The following MEGF9 variants were observed in gnomAD, a reference collection of about 807,000 sequenced individuals.
The protein encoded by MEGF9 is multiple epidermal growth factor-like domains protein 9.
In MEGF9, 6 loss-of-function variants were observed where a neutral mutation model predicts 46.8. That is an observed-to-expected ratio of 0.13 (90% confidence interval 0.07 to 0.25). MEGF9 has a LOEUF of 0.25. Ranked by LOEUF, MEGF9 falls within the 10% of genes least tolerant of loss-of-function variation. The probability of loss-of-function intolerance (pLI) is 1.00; values close to 1 mark genes in which losing one functional copy is unlikely to be tolerated. For missense variants in MEGF9, 683 were observed against 792.4 expected (o/e 0.86, Z 1.66); for synonymous variants, 302 against 330.7 (o/e 0.91, Z 0.94).
At chr9:120,683,116 T>C (rs938010390) in intron 1 of MEGF9, among the ~76,000 whole-genome samples, 5 of 152,068 alleles carry the variant, frequency 3.3e-5, no homozygotes, top group African/African-American at 1.2e-4. Context: ...CTGCATTTCA[T>C]CCAACATGGA....
intron 2 of MEGF9, among the ~76,000 whole-genome samples, chr9:120,630,030 T>C (rs2043543777): frequency 6.6e-6 from 1 of 152,248 alleles, no homozygotes. Context: ...TCAGTATACC[T>C]TGACCATCCG....
intron 1 of MEGF9, among the ~76,000 whole-genome samples, chr9:120,697,504 A>G (rs1040561922): frequency 6.6e-6 from 1 of 152,000 alleles, no homozygotes; most frequent in Middle Eastern, 3.2e-3. Context: ...AAGGTTTTAT[A>G]GTCAAGTCAA....
chr9:120,710,259 T>C (rs1231746313), intron 1 of MEGF9, among the ~76,000 whole-genome samples: 2 of 150,926 alleles, frequency 1.3e-5, no homozygotes, highest in African/African-American at 4.9e-5. Context: ...AGAAACACTG[T>C]CTTTACTAAA....
chr9:120,620,862 A>AG (rs1372339724), intron 3 of MEGF9, among the ~76,000 whole-genome samples: 1 of 151,936 alleles, frequency 6.6e-6, no homozygotes, highest in Non-Finnish European at 1.5e-5. Flanking sequence ...AAGAAAAAAA[A>AG]AACAATTTCT....
chr9:120,615,535 G>A (rs2043468505), intron 3 of MEGF9, among the ~76,000 whole-genome samples: 1 of 150,922 alleles, frequency 6.6e-6, no homozygotes, highest in South Asian at 2.1e-4. Context: ...AAATCAATGA[G>A]TAAAAAAAAA....
chr9:120,639,943 C>T (rs571396483), intron 2 of MEGF9, among the ~76,000 whole-genome samples: 6 of 152,202 alleles, frequency 3.9e-5, no homozygotes, highest in African/African-American at 1.4e-4. Context: ...CCCTTTATGC[C>T]CCTAAGCTTT....
intron 1 of MEGF9, among the ~76,000 whole-genome samples, chr9:120,700,108 T>C (rs1368241872): frequency 6.6e-6 from 1 of 152,218 alleles, no homozygotes; most frequent in African/African-American, 2.4e-5. Context: ...AAGCCCAAAG[T>C]AGTTTACATG....
intron 2 of MEGF9, among the ~76,000 whole-genome samples, chr9:120,641,636 G>A (rs1346191717): frequency 2.0e-5 from 3 of 152,182 alleles, no homozygotes; most frequent in African/African-American, 7.2e-5. Context: ...TAGGTCTGGT[G>A]TTGGGCCTAG....
At position 120,609,506 on chromosome 9, in the gene MEGF9, T is replaced by C. The variant is rs144682067; in HGVS notation, c.1088-1496A>G. On this transcript the variant is annotated intron_variant, in intron 4 of 5. Transcript: ENST00000373930. Reference sequence around the variant, plus strand: ...ATTAAACTATGAGCTATTTGACATTTTTCTGTCTTTATCGCCAATGTTTAG... The same window carrying C: ...ATTAAACTATGAGCTATTTGACATTCTTCTGTCTTTATCGCCAATGTTTAG... Among the ~76,000 whole-genome samples the C allele has an allele frequency of 2.1e-3, 321 of 152,274 alleles. 1 individual carries two copies. Among genetic ancestry groups the C allele is most frequent in the African/African-American group, 7.3e-3 (302 of 41,576 alleles).
intron 2 of MEGF9, among the ~76,000 whole-genome samples, chr9:120,653,911 T>C (rs12348993): frequency 1.5e-3 from 225 of 152,240 alleles, no homozygotes; most frequent in African/African-American, 5.3e-3. Context: ...TTATGGCAAG[T>C]GTAGTGCCAG....
At chr9:120,613,921 A>C (rs2043459919) in intron 3 of MEGF9, among the ~76,000 whole-genome samples, 1 of 152,154 alleles carries the variant, frequency 6.6e-6, no homozygotes, top group Non-Finnish European at 1.5e-5. Flanking sequence ...GGGGAGAGAG[A>C]ATAAGGCTGT....
chr9:120,693,094 C>A (rs1013874924), intron 1 of MEGF9, among the ~76,000 whole-genome samples: 2 of 152,130 alleles, frequency 1.3e-5, no homozygotes, highest in East Asian at 1.9e-4. Flanking sequence ...TGTAAAAGAA[C>A]CTTATTTTGT....
intron 1 of MEGF9, among the ~76,000 whole-genome samples, chr9:120,701,389 A>G (rs922352427): frequency 6.6e-6 from 1 of 152,234 alleles, no homozygotes; most frequent in African/African-American, 2.4e-5. Flanking sequence ...GTTATTTAAC[A>G]TTCTCCAGCC....
At position 120,605,271 on chromosome 9, in the gene MEGF9, T is replaced by C; in HGVS notation, c.1728A>G (p.Gly576=). 6.2e-7 allele frequency: 1 copy of C among 1,613,936 alleles called. No individual in the cohort carries two copies. Among genetic ancestry groups the C allele is most frequent in the Non-Finnish European group, 8.5e-7 (1 of 1,179,886 alleles). Residue 576 remains glycine (G), a synonymous_variant, in exon 6 of 6, where the codon GGA becomes GGG. Coordinates refer to ENST00000373930, the MANE Select transcript of MEGF9 (RefSeq NM_001080497.3). The surrounding 1 kb of genome is among the most constrained non-coding windows in gnomAD (Gnocchi z 4.0). ...CTTCATTGCCATCATCTTCCAACAATCCCGAAACATCTGCATTGGGAATGC... is the reference window on the plus strand; with the variant it reads ...CTTCATTGCCATCATCTTCCAACAACCCCGAAACATCTGCATTGGGAATGC... The part of the protein sequence containing the change: ...HDSIPNADVS[G]LLEDDGNEVA...
rs2043502265 is a variant in MEGF9 at position 120,622,119 on chromosome 9, C to G, written c.943+497G>C. Among the ~76,000 whole-genome samples the G allele has an allele frequency of 2.0e-5, 3 of 152,112 alleles. No homozygotes were observed. In the South Asian group the frequency reaches 6.2e-4, roughly 32 times the overall value. On this transcript the variant is annotated intron_variant, in intron 3 of 5. Transcript: ENST00000373930. ...AGAGATTTTTTTCTACCTTTCTGGC[C>G]CAGCCTTCCATCTTTTGCATAGTCG...
intron 3 of MEGF9, among the ~76,000 whole-genome samples, chr9:120,613,273 T>C (rs41402744): frequency 0.019 from 2,820 of 152,056 alleles, 91 homozygotes; most frequent in African/African-American, 0.065. Flanking sequence ...ACTAACCAGA[T>C]GGATATAAAC....
chr9:120,675,348 G>A (rs2043767996), intron 1 of MEGF9, among the ~76,000 whole-genome samples: 1 of 152,140 alleles, frequency 6.6e-6, no homozygotes. Flanking sequence ...GCACTTGGGT[G>A]GCTGAGGCAG....
chr9:120,689,457 CT>C (rs200881470), intron 1 of MEGF9, among the ~76,000 whole-genome samples: 4,146 of 152,154 alleles, frequency 0.027, 77 homozygotes, highest in East Asian at 0.073. Flanking sequence ...ATAATCAGAT[CT>C]ACATCTTAGA....
chr9:120,705,633 T>A (rs557469740), intron 1 of MEGF9, among the ~76,000 whole-genome samples: 129 of 152,144 alleles, frequency 8.5e-4, no homozygotes, highest in Non-Finnish European at 1.4e-3. Context: ...AGAGATTATT[T>A]TGATACAAAT....
Sources: gnomAD v4.1 joint callset for allele counts (sites outside exome capture counted in the v4.1 genomes callset) on GRCh38, gnomAD v4.1.1 for gene constraint, Gnocchi (gnomAD v3.1) non-coding constraint, MANE v1.5 for transcripts, NCBI Gene and HGNC (gene_info 2026-07-23, HGNC 2026-07-21) for gene names.